Variants in SLC9B2 observed in about 807,000 individuals in gnomAD.
SLC9B2 encodes the protein sodium/hydrogen exchanger 9B2.
A neutral mutation model predicts 52.2 loss-of-function variants in SLC9B2; 39 were observed. That is an observed-to-expected ratio of 0.75 (90% CI 0.58 to 0.98). The LOEUF (loss-of-function observed/expected upper bound fraction) is 0.98. Among genes scored for constraint, SLC9B2 ranks in the 50% least tolerant of loss-of-function variants. SLC9B2 has a pLI of 0.00. For missense variants in SLC9B2, 626 were observed against 637.5 expected, an observed-to-expected ratio of 0.98 and a Z score of 0.19; for synonymous variants, 214 against 227.0, an observed-to-expected ratio of 0.94 and a Z score of 0.51.
intron 10 of SLC9B2, among the ~76,000 whole-genome samples, chr4:103,029,958 GC>G (rs1353791782): frequency 6.6e-6 from 1 of 152,112 alleles, no homozygotes; most frequent in Non-Finnish European, 1.5e-5. Flanking sequence ...CTGCCATATG[GC>G]TTTTTTATGG....
At chr4:103,076,898 C>G (rs548339778), upstream of SLC9B2, 4 of 152,366 alleles carry the variant, frequency 2.6e-5, no homozygotes, top group African/African-American at 9.6e-5. Context: ...TTAGCTGTAC[C>G]TCTTAGAAGT....
Position 103,022,645 on chromosome 4 carries a change from A to G in SLC9B2, c.*3725T>C, listed in dbSNP as rs2110559270. Among the ~76,000 whole-genome samples the G allele has an allele frequency of 2.0e-5, 3 of 152,374 alleles. No homozygotes were observed. The highest frequency in any genetic ancestry group is 2.0e-4 in the Admixed American group (3 of 15,306). The stretch of plus-strand genomic sequence containing the variant: ...GTTTACCTGAGGAAATTTTGAGGAC[A>G]TCAAGATCAATCAAGGTGATTGGGA... On this transcript the variant is annotated 3_prime_UTR_variant, in exon 12 of 12. Coordinates refer to ENST00000394785, the MANE Select transcript of SLC9B2 (RefSeq NM_178833.7).
intron 3 of SLC9B2, among the ~76,000 whole-genome samples, chr4:103,060,929 G>C (rs1745584074): frequency 6.6e-6 from 1 of 152,184 alleles, no homozygotes; most frequent in Non-Finnish European, 1.5e-5. Context: ...AGTTGAGACA[G>C]GTTTAGTCAG....
chr4:103,040,603 A>G (rs1051099558), intron 9 of SLC9B2, among the ~76,000 whole-genome samples: 1 of 152,208 alleles, frequency 6.6e-6, no homozygotes, highest in African/African-American at 2.4e-5. Flanking sequence ...AGATGTGTGT[A>G]TTGGGGGTGT....
rs997608419 is a variant in SLC9B2 at position 103,025,938 on chromosome 4, T to G, written c.*432A>C. The G allele has an allele frequency of 6.5e-6, 1 of 153,612 alleles. No individual in the cohort carries two copies. The highest frequency in any genetic ancestry group is 1.4e-5 in the Non-Finnish European group (1 of 69,150). 9.5% of individuals were successfully genotyped at this position (153,612 alleles called of 1,614,324 possible). ...TAAAAATTAATGAGAGACTGCATTA[T>G]GATGTTTAACAACAAAAACAGATCC... On this transcript the variant is annotated 3_prime_UTR_variant, in exon 12 of 12. Coordinates refer to ENST00000394785, the MANE Select transcript of SLC9B2 (RefSeq NM_178833.7).
chr4:103,043,446 C>T lies in SLC9B2; in HGVS notation c.997-1G>A. ...ATGTTCTCTTACACACAAGTTTGTC[C>T]TTTAGGAGAAAAAAATTCATTTGCT... is the stretch of plus-strand genomic sequence containing the variant. On this transcript the variant is annotated splice_acceptor_variant, in intron 8 of 11. Transcript: ENST00000394785. LOFTEE classifies it high-confidence loss of function. 1.9e-6 allele frequency: 3 copies of T among 1,587,074 alleles called. No individual in the cohort carries two copies. The highest frequency in any genetic ancestry group is 2.6e-6 in the Non-Finnish European group (3 of 1,170,812).
In SLC9B2 at chr4:103,039,017, C is replaced by T. The variant is rs75691936; in HGVS notation, c.1146+4279G>A. The stretch of plus-strand genomic sequence containing the variant: ...AAGTTAACAACAATATTGCTACAGC[C>T]CTGTAGAATTTACAAGTGTGTCATT... On this transcript the variant is annotated intron_variant, in intron 9 of 11. Transcript: ENST00000394785. Among the ~76,000 whole-genome samples, 417 of 152,136 alleles carry T rather than the reference C, an allele frequency of 2.7e-3. 3 individuals carry two copies. Among genetic ancestry groups the T allele is most frequent in the African/African-American group, 9.8e-3 (405 of 41,512 alleles).
intron 9 of SLC9B2, among the ~76,000 whole-genome samples, chr4:103,034,995 T>C (rs1263654971): frequency 6.6e-6 from 1 of 152,178 alleles, no homozygotes; most frequent in African/African-American, 2.4e-5. Flanking sequence ...AAAAAATTTA[T>C]TTTAAATTCA....
chr4:103,066,631 A>G (rs1746154357), intron 2 of SLC9B2, 124 bp from the exon 3 acceptor site: 1 of 891,664 alleles, frequency 1.1e-6, no homozygotes, highest in Non-Finnish European at 1.6e-6. Context: ...CACTTTGTAG[A>G]AAAAACTCAC....
chr4:103,067,655 G>T, intron 1 of SLC9B2, 63 bp from the exon 2 acceptor site: 1 of 897,680 alleles, frequency 1.1e-6, no homozygotes, highest in Non-Finnish European at 1.8e-6. Flanking sequence ...CAAAGACTTT[G>T]GATTGTACTT....
intron 3 of SLC9B2, among the ~76,000 whole-genome samples, chr4:103,059,705 A>G (rs1745461133): frequency 6.6e-6 from 1 of 152,192 alleles, no homozygotes; most frequent in Admixed American, 6.5e-5. Context: ...ATTATGGGCC[A>G]GGAAAAATTA....
Position 103,057,865 on chromosome 4 carries a change from G to C in SLC9B2, c.378C>G (p.Ile126Met), listed in dbSNP as rs1203669272. Reference sequence around the variant, plus strand: ...TAAGCCCCAAAAGTTTACCACCAATGATGGCACAATAGAATAGGATTATAA... The same window carrying C: ...TAAGCCCCAAAAGTTTACCACCAATCATGGCACAATAGAATAGGATTATAA... Reference protein sequence around the residue: ...FGIIILFYCAIIGGKLLGLIK... With the variant: ...FGIIILFYCAMIGGKLLGLIK... Residue 126 changes from isoleucine (I) to methionine (M), a missense_variant, in exon 4 of 12, where the codon ATC (isoleucine) becomes ATG (methionine). Coordinates refer to ENST00000394785, the MANE Select transcript of SLC9B2 (RefSeq NM_178833.7). 1 of 1,613,612 alleles carries C rather than the reference G, an allele frequency of 6.2e-7. No homozygotes were observed. Among genetic ancestry groups the C allele is most frequent in the Non-Finnish European group, 8.5e-7 (1 of 1,179,924 alleles).
At chr4:103,067,374 T>C in intron 2 of SLC9B2, 87 bp downstream of exon 2, 1 of 1,231,104 alleles carries the variant, frequency 8.1e-7, no homozygotes, top group South Asian at 1.2e-5. Flanking sequence ...ACACCTGCCT[T>C]GGATTGTGTA....
chr4:103,021,057 T>G (rs1270693950), downstream of SLC9B2, among the ~76,000 whole-genome samples: 1 of 152,230 alleles, frequency 6.6e-6, no homozygotes, highest in African/African-American at 2.4e-5. Context: ...AAATGTTTTG[T>G]ACTCATGAAA....
At position 103,028,758 on chromosome 4, in the gene SLC9B2, C is replaced by A. The variant is rs201942991; in HGVS notation, c.1381G>T (p.Ala461Ser). Residue 461 changes from alanine to serine, a missense_variant, in exon 11 of 12, where the codon GCC becomes TCC. Transcript: ENST00000394785. ...IFISFAWLPK[A>S]TVQAAIGSVA... ...CCTATCCATCATACCTGAACTGTGG[C>A]CTTTGGAAGCCATGCAAAAGAAATA... 5.6e-6 allele frequency: 9 copies of A among 1,607,686 alleles called. No individual in the cohort carries two copies. The highest frequency in any genetic ancestry group is 7.6e-6 in the Non-Finnish European group (9 of 1,177,918).
chr4:103,069,548 C>T (rs1440955143), intron 1 of SLC9B2, among the ~76,000 whole-genome samples: 1 of 152,210 alleles, frequency 6.6e-6, no homozygotes, highest in African/African-American at 2.4e-5. Context: ...ATTCCTTCTT[C>T]CTGATTATCA....
At chr4:103,040,198 A>G (rs1472252535) in intron 9 of SLC9B2, among the ~76,000 whole-genome samples, 1 of 152,250 alleles carries the variant, frequency 6.6e-6, no homozygotes, top group Non-Finnish European at 1.5e-5. Flanking sequence ...AAGTGTTAAA[A>G]GTGAACAATA....
Position 103,076,678 on chromosome 4 carries a change from G to A in SLC9B2, c.-537C>T, listed in dbSNP as rs1747207772. On this transcript the variant is annotated 5_prime_UTR_variant, in exon 1 of 12. Coordinates refer to ENST00000394785, the MANE Select transcript of SLC9B2 (RefSeq NM_178833.7). Reference sequence around the variant, plus strand: ...CTGGGCGGGTCCGCAGGCTTCTGGGGCCAGGACCAGCGAGCTCCCGGGAAA... The same window carrying A: ...CTGGGCGGGTCCGCAGGCTTCTGGGACCAGGACCAGCGAGCTCCCGGGAAA... 6.6e-6 allele frequency: 1 copy of A among 152,256 alleles called. No homozygotes were observed. The highest frequency in any genetic ancestry group is 1.5e-5 in the Non-Finnish European group (1 of 68,050). The allele number at this position is 152,256 out of a possible 1,614,324, so 9.4% of individuals were successfully genotyped here. A position where few individuals can be genotyped will look rare whatever the true frequency, so the allele number is the denominator to read the frequency against.
rs75273756 is a variant in SLC9B2, at chr4:103,031,722, T to C, written c.1233A>G (p.Ala411=). 1.3e-3 allele frequency: 2,085 copies of C among 1,612,616 alleles called. 28 individuals carry two copies. In the African/African-American group the frequency reaches 0.025, roughly 19 times the overall value. The part of the protein sequence containing the change: ...FGLIGAEVSI[A]SLRPETVGLC... ...TACCTACAGTTTCTGGTCTGAGAGATGCAATAGATACCTCTGCTCCAATTA... is the reference window on the plus strand; with the variant it reads ...TACCTACAGTTTCTGGTCTGAGAGACGCAATAGATACCTCTGCTCCAATTA... Residue 411 remains alanine, a synonymous_variant, in exon 10 of 12, where the codon GCA becomes GCG. Coordinates refer to ENST00000394785, the MANE Select transcript of SLC9B2 (RefSeq NM_178833.7).
Sources: gnomAD v4.1 joint callset for allele counts (sites outside exome capture counted in the v4.1 genomes callset) on GRCh38, gnomAD v4.1.1 for gene constraint, MANE v1.5 for transcripts, NCBI Gene and HGNC (gene_info 2026-07-23, HGNC 2026-07-21) for gene names.